Variants in TBL1X observed in about 807,000 individuals in gnomAD.
TBL1X encodes transducin beta like 1 X-linked.
In TBL1X, 10 loss-of-function variants were observed where a neutral mutation model predicts 50.7. The observed-to-expected ratio is 0.20, with a 90% confidence interval of 0.12 to 0.33. The LOEUF (loss-of-function observed/expected upper bound fraction) is 0.33. TBL1X is among the 10% of genes least tolerant of loss of function. TBL1X has a pLI of 1.00. For synonymous variants in TBL1X, 190 were observed against 214.7 expected (o/e 0.88, Z 1.01); for missense variants, 340 against 504.4 (o/e 0.67, Z 3.12).
At position 9,603,024 on chromosome X, in the gene TBL1X, T is replaced by C. The variant is rs146916941; in HGVS notation, c.-130-37249T>C. ...CAGAGTAAAGGAAGATTTGTTTACT[T>C]TTCAGACATCCTGGAAGGTGAGCAT... On this transcript the variant is annotated intron_variant, in intron 2 of 17. Coordinates refer to ENST00000645353, the MANE Select transcript of TBL1X (RefSeq NM_005647.4). Among the ~76,000 whole-genome samples the C allele has an allele frequency of 3.5e-3, 392 of 112,478 alleles. 1 individual carries two copies. The highest frequency in any genetic ancestry group is 0.012 in the African/African-American group (373 of 31,000).
chrX:9,492,365 G>C (rs2081949077), intron 1 of TBL1X, among the ~76,000 whole-genome samples: 1 of 111,349 alleles, frequency 9.0e-6, no homozygotes, highest in Non-Finnish European at 1.9e-5. Flanking sequence ...AAGGGAAGAT[G>C]AAAATAGAAG....
chrX:9,626,361 C>T (rs916065685), intron 2 of TBL1X, among the ~76,000 whole-genome samples: 1 of 111,643 alleles, frequency 9.0e-6, no homozygotes, highest in Non-Finnish European at 1.9e-5. Flanking sequence ...GGTGAGCTCT[C>T]TTTTTCTGTT....
intron 2 of TBL1X, among the ~76,000 whole-genome samples, chrX:9,578,401 AGT>A (rs946656104): frequency 9.0e-6 from 1 of 110,997 alleles, no homozygotes; most frequent in Non-Finnish European, 1.9e-5. Flanking sequence ...ACACACAAAA[AGT>A]GCTGCCGTTA....
intron 5 of TBL1X, among the ~76,000 whole-genome samples, chrX:9,683,335 T>C (rs142282303): frequency 1.0e-3 from 112 of 112,281 alleles, no homozygotes; most frequent in Admixed American, 1.8e-3. Flanking sequence ...AAAGCTGATC[T>C]GAAAACACCT....
chrX:9,552,552 A>T (rs1029474789), intron 2 of TBL1X, among the ~76,000 whole-genome samples: 1 of 111,510 alleles, frequency 9.0e-6, no homozygotes, highest in Non-Finnish European at 1.9e-5. Context: ...AGACCTTGTG[A>T]GTACAGAGTC....
At chrX:9,715,845 C>G (rs1272783508) in intron 17 of TBL1X, among the ~76,000 whole-genome samples, 2 of 111,892 alleles carry the variant, frequency 1.8e-5, no homozygotes, top group Non-Finnish European at 3.8e-5. Flanking sequence ...AGCGGCCGTT[C>G]TGGCTGAACG....
At chrX:9,672,168 AT>A (rs2082963954) in intron 5 of TBL1X, among the ~76,000 whole-genome samples, 1 of 112,478 alleles carries the variant, frequency 8.9e-6, no homozygotes, top group African/African-American at 3.2e-5. Context: ...GAAGATGCAC[AT>A]AAGCCTTAAA....
At chrX:9,675,552 A>T (rs1054502955) in intron 5 of TBL1X, among the ~76,000 whole-genome samples, 2 of 111,701 alleles carry the variant, frequency 1.8e-5, no homozygotes. Flanking sequence ...GAGAACAGGG[A>T]TACAATATTC....
chrX:9,493,785 C>CA (rs1338993079), intron 1 of TBL1X, among the ~76,000 whole-genome samples: 2 of 109,864 alleles, frequency 1.8e-5, no homozygotes, highest in Non-Finnish European at 3.8e-5. Flanking sequence ...CAAAACAAAA[C>CA]AAAAAAAACC....
chrX:9,541,267 C>G (rs1423858332), intron 2 of TBL1X, among the ~76,000 whole-genome samples: 2 of 110,275 alleles, frequency 1.8e-5, no homozygotes, highest in Admixed American at 1.9e-4. Flanking sequence ...TGTTGGGCTT[C>G]GTGCTACCAG....
intron 2 of TBL1X, among the ~76,000 whole-genome samples, chrX:9,639,497 G>T (rs1270655581): frequency 9.0e-6 from 1 of 111,585 alleles, no homozygotes; most frequent in African/African-American, 3.3e-5. Flanking sequence ...TTAGGTAAAT[G>T]GTTTACTGAT....
At chrX:9,705,778 G>A (rs1195326935) in intron 13 of TBL1X, among the ~76,000 whole-genome samples, 2 of 108,173 alleles carry the variant, frequency 1.8e-5, no homozygotes, top group African/African-American at 6.7e-5. Context: ...TATAATGTCT[G>A]AAATGAAAGT....
intron 2 of TBL1X, among the ~76,000 whole-genome samples, chrX:9,514,423 G>A (rs1569212179): frequency 1.8e-5 from 2 of 110,963 alleles, no homozygotes; most frequent in South Asian, 3.8e-4. Flanking sequence ...TTCCTGGTTC[G>A]TTGCCTGTGT....
intron 16 of TBL1X, among the ~76,000 whole-genome samples, chrX:9,713,306 T>TA (rs2083259065): frequency 9.0e-6 from 1 of 110,645 alleles, no homozygotes; most frequent in Admixed American, 9.6e-5. Context: ...GGTGGATTTG[T>TA]AAAAAGAACA....
intron 2 of TBL1X, among the ~76,000 whole-genome samples, chrX:9,628,257 G>C (rs1271121790): frequency 9.0e-6 from 1 of 111,676 alleles, no homozygotes; most frequent in African/African-American, 3.3e-5. Flanking sequence ...GGTCCTTCCT[G>C]TGCACTGTAG....
chrX:9,660,782 A>G (rs2082893468), intron 5 of TBL1X, among the ~76,000 whole-genome samples: 1 of 112,286 alleles, frequency 8.9e-6, no homozygotes, highest in Non-Finnish European at 1.9e-5. Context: ...TTTTATTTAC[A>G]TAACGTATAT....
At chrX:9,671,971 A>G (rs749803850) in intron 5 of TBL1X, among the ~76,000 whole-genome samples, 5 of 112,618 alleles carry the variant, frequency 4.4e-5, no homozygotes, top group Non-Finnish European at 9.4e-5. Context: ...GATCTTTTCT[A>G]AGTTTATTGT....
chrX:9,570,603 C>A (rs1413726327), intron 2 of TBL1X, among the ~76,000 whole-genome samples: 1 of 110,959 alleles, frequency 9.0e-6, no homozygotes, highest in Admixed American at 9.6e-5. Context: ...GCTCTTATCC[C>A]AAATCAAAGA....
intron 5 of TBL1X, among the ~76,000 whole-genome samples, chrX:9,658,345 G>T (rs1231346618): frequency 9.0e-6 from 1 of 111,117 alleles, no homozygotes; most frequent in Non-Finnish European, 1.9e-5. Flanking sequence ...TGGTGGCCAT[G>T]TGCCTTTCCC....
Sources: gnomAD v4.1 joint callset for allele counts (sites outside exome capture counted in the v4.1 genomes callset) on GRCh38, gnomAD v4.1.1 for gene constraint, MANE v1.5 for transcripts, NCBI Gene and HGNC (gene_info 2026-07-23, HGNC 2026-07-21) for gene names.